The following CDH23 variants were observed in gnomAD, a reference collection of about 807,000 sequenced individuals.
The protein encoded by CDH23 is cadherin-23.
CDH23 carries 189 observed loss-of-function variants against 317.1 expected under a neutral mutation model. The observed-to-expected ratio is 0.60, with a 90% CI of 0.53 to 0.67. The LOEUF (loss-of-function observed/expected upper bound fraction) is 0.67, where lower values mean the gene tolerates loss of function less well. Ranked by LOEUF, CDH23 falls within the 30% of genes least tolerant of loss-of-function variation. The pLI is 0.00. For missense variants in CDH23, 4,401 were observed against 4,592.4 expected (o/e 0.96, Z 1.20); for synonymous variants, 1,839 against 1,876.8 (o/e 0.98, Z 0.52).
At chr10:71,418,637 G>A (rs1307510826) in intron 1 of CDH23, among the ~76,000 whole-genome samples, 2 of 152,148 alleles carry the variant, frequency 1.3e-5, no homozygotes, top group African/African-American at 4.8e-5. Flanking sequence ...CTTACTTCTG[G>A]GAGATTCCGT....
At chr10:71,615,389 T>G in intron 9 of CDH23, 115 bp from the exon 10 acceptor site, 1 of 724,670 alleles carries the variant, frequency 1.4e-6, no homozygotes, top group Non-Finnish European at 2.5e-6. Context: ...AAGTAACTGA[T>G]GAGTCTTTAA....
chr10:71,777,673 T>A lies in CDH23; in HGVS notation c.4846-7T>A. ...TGACCAAGGACGTGACCCACTCTTT[T>A]CCACAGGCCACCACGCACGTGTACG... On this transcript the variant is annotated splice_region_variant and splice_polypyrimidine_tract_variant and intron_variant, in intron 38 of 69. Transcript: ENST00000224721. 1 of 1,605,462 alleles carries A rather than the reference T, an allele frequency of 6.2e-7. No individual in the cohort carries two copies. The highest frequency in any genetic ancestry group is 8.5e-7 in the Non-Finnish European group (1 of 1,176,326).
At chr10:71,632,461 G>A (rs1012300579) in intron 11 of CDH23, among the ~76,000 whole-genome samples, 1 of 152,202 alleles carries the variant, frequency 6.6e-6, no homozygotes, top group East Asian at 1.9e-4. Context: ...GAGAATGGGG[G>A]TGGTACCAGT....
intron 3 of CDH23, among the ~76,000 whole-genome samples, chr10:71,465,477 C>T (rs181055413): frequency 3.9e-5 from 6 of 152,342 alleles, no homozygotes; most frequent in East Asian, 3.9e-4. Flanking sequence ...AGAGACTCCT[C>T]GAGTGGCCTG....
rs1365274288 is a variant in CDH23 at position 71,759,898 on chromosome 10, C to CATATATATACACACACATACATACAT, written c.4846-17775_4846-17774insTACACACACATACATACATATATATA. Reference sequence around the variant, plus strand: ...ACACACACACACATATACACACACACATATATACACACACACATATATACA... The same window carrying CATATATATACACACACATACATACAT: ...ACACACACACACATATACACACACACATATATATACACACACATACATACATATATATACACACACACATATATACA... On this transcript the variant is annotated intron_variant, in intron 38 of 69. Coordinates refer to ENST00000224721, the MANE Select transcript of CDH23 (RefSeq NM_022124.6). Among the ~76,000 whole-genome samples, 29 of 50,722 alleles carry CATATATATACACACACATACATACAT rather than the reference C, an allele frequency of 5.7e-4. 9 individuals carry two copies. Among genetic ancestry groups the CATATATATACACACACATACATACAT allele is most frequent in the Admixed American group, 9.7e-4 (4 of 4,130 alleles). 33.3% of individuals were successfully genotyped at this position (50,722 alleles called of 152,430 possible). A position where few individuals can be genotyped will look rare whatever the true frequency, so the allele number is the denominator to read the frequency against.
At chr10:71,478,529 G>C (rs1321724463) in intron 3 of CDH23, among the ~76,000 whole-genome samples, 1 of 152,212 alleles carries the variant, frequency 6.6e-6, no homozygotes, top group East Asian at 1.9e-4. Context: ...AGCCCTGCAT[G>C]ATAGAGCTTG....
Position 71,630,287 on chromosome 10 carries a change from G to T in CDH23, c.1134+12894G>T, listed in dbSNP as rs142811218. 5.3e-5 allele frequency among the ~76,000 whole-genome samples: 8 copies of T among 152,242 alleles called. No individual in the cohort carries two copies. In the East Asian group the frequency reaches 1.4e-3, roughly 26 times the overall value. ...TCATCCTGCCTTGGCCTCCCAAAGT[G>T]CTGGGATTACTGGCGTGAGTCATCG... On this transcript the variant is annotated intron_variant, in intron 11 of 69. Coordinates refer to ENST00000224721, the MANE Select transcript of CDH23 (RefSeq NM_022124.6).
chr10:71,730,570 A>G lies in CDH23; in HGVS notation c.3681A>G (p.Ser1227=). The G allele has an allele frequency of 6.2e-7, 1 of 1,613,936 alleles. No homozygotes were observed. The highest frequency in any genetic ancestry group is 8.5e-7 in the Non-Finnish European group (1 of 1,179,892). Residue 1227 remains serine (S), a synonymous_variant, in exon 31 of 70, where the codon TCA becomes TCG. Transcript: ENST00000224721. The part of the protein sequence containing the change: ...GLRETAGIGT[S]VIVVQATDRD... ...GAGAGACCGCAGGCATTGGAACGTC[A>G]GTCATCGTGGTCCAAGCCACAGACC...
intron 3 of CDH23, among the ~76,000 whole-genome samples, chr10:71,489,982 C>T (rs1175402760): frequency 6.6e-6 from 1 of 151,556 alleles, no homozygotes; most frequent in East Asian, 1.9e-4. Context: ...TTTCTAGTCA[C>T]TCTGACAATA....
rs763087811 is a variant in CDH23 at position 71,785,615 on chromosome 10, A to T, written c.5713-16A>T. The T allele has an allele frequency of 1.3e-6, 2 of 1,533,702 alleles. No individual in the cohort carries two copies. Among genetic ancestry groups the T allele is most frequent in the East Asian group, 4.7e-5 (2 of 42,424 alleles). ...GGAAAAGGTCTCCATGCAGCTCACC[A>T]CCCTCCACATCCCAGACAGGGATCG... On this transcript the variant is annotated splice_polypyrimidine_tract_variant and intron_variant, in intron 43 of 69. Transcript: ENST00000224721.
chr10:71,555,809 G>T (rs538834797), intron 6 of CDH23, among the ~76,000 whole-genome samples: 21 of 152,344 alleles, frequency 1.4e-4, no homozygotes, highest in African/African-American at 4.8e-4. Context: ...CTCCTGAGAA[G>T]AAGGGAGGGA....
intron 27 of CDH23, among the ~76,000 whole-genome samples, chr10:71,710,703 G>T (rs895826738): frequency 1.3e-5 from 2 of 152,230 alleles, no homozygotes; most frequent in African/African-American, 4.8e-5. Flanking sequence ...GCCACATAAG[G>T]TTTCAGTACA....
At chr10:71,814,869 A>G (rs1589442162) in intron 69 of CDH23, 83 bp from the exon 70 acceptor site, 1 of 1,448,608 alleles carries the variant, frequency 6.9e-7, no homozygotes, top group East Asian at 2.5e-5. Flanking sequence ...GTTCAGCCAC[A>G]TAGCCAGTGG....
intron 9 of CDH23, among the ~76,000 whole-genome samples, chr10:71,582,503 C>T (rs1227026288): frequency 6.6e-6 from 1 of 152,102 alleles, no homozygotes; most frequent in African/African-American, 2.4e-5. Context: ...AATTTAAAAT[C>T]CCCCATGTGC....
intron 11 of CDH23, chr10:71,623,006 C>T: frequency 1.0e-6 from 1 of 954,162 alleles, no homozygotes; most frequent in Non-Finnish European, 1.2e-6. Flanking sequence ...GTTATTAATT[C>T]AAGCAACAAG....
chr10:71,687,241 T>C (rs1323483481), intron 18 of CDH23, among the ~76,000 whole-genome samples: 1 of 152,178 alleles, frequency 6.6e-6, no homozygotes, highest in Non-Finnish European at 1.5e-5. Flanking sequence ...GTCATCATCC[T>C]GGTGGACCTA....
In CDH23 at chr10:71,730,890, T is replaced by C. The variant is rs546105991; in HGVS notation, c.3715+286T>C. Among the ~76,000 whole-genome samples, 20 of 152,324 alleles carry C rather than the reference T, an allele frequency of 1.3e-4. 1 individual carries two copies. The South Asian group carries it at 3.7e-3, about 28-fold the overall frequency. On this transcript the variant is annotated intron_variant, in intron 31 of 69. Coordinates refer to ENST00000224721, the MANE Select transcript of CDH23 (RefSeq NM_022124.6). Reference sequence around the variant, plus strand: ...CATCCCAGGACCCAGCAGCTCCCACTAGCCTTTAGAGAGGGGCTGGGCAGA... The same window carrying C: ...CATCCCAGGACCCAGCAGCTCCCACCAGCCTTTAGAGAGGGGCTGGGCAGA...
At chr10:71,650,339 A>G (rs1193379965) in intron 14 of CDH23, among the ~76,000 whole-genome samples, 1 of 152,226 alleles carries the variant, frequency 6.6e-6, no homozygotes, top group Non-Finnish European at 1.5e-5. Context: ...GGTCCCCTGG[A>G]AGGAGGGAGG....
At position 71,760,982 on chromosome 10, in the gene CDH23, G is replaced by A. The variant is rs370808519; in HGVS notation, c.4846-16698G>A. Reference sequence around the variant, plus strand: ...GTGTCAGGCCCAGGAGGCCAGGGAGGCTTGTCCAGGCCAGTGTCCCCCTCC... The same window carrying A: ...GTGTCAGGCCCAGGAGGCCAGGGAGACTTGTCCAGGCCAGTGTCCCCCTCC... On this transcript the variant is annotated intron_variant, in intron 38 of 69. Transcript: ENST00000224721. The A allele has an allele frequency of 6.5e-4, 1,008 of 1,549,266 alleles. 4 individuals are homozygous for A. The Middle Eastern group carries it at 0.011, about 17-fold the overall frequency.
Sources: allele counts gnomAD v4.1 joint callset (sites outside exome capture counted in the v4.1 genomes callset), GRCh38; gene constraint gnomAD v4.1.1; transcripts MANE v1.5; gene names NCBI Gene and HGNC (gene_info 2026-07-23, HGNC 2026-07-21).